Variants in CALD1 observed in about 807,000 individuals in gnomAD.
CALD1 encodes caldesmon 1.
In CALD1, 33 loss-of-function variants were observed where a neutral mutation model predicts 99.9. The ratio of observed to expected loss-of-function variants is 0.33; its 90% CI spans 0.25 to 0.44. The LOEUF (loss-of-function observed/expected upper bound fraction) is 0.44, where lower values mean the gene tolerates loss of function less well. Ranked by LOEUF, CALD1 falls within the 20% of genes least tolerant of loss-of-function variation. The probability of loss-of-function intolerance (pLI) is 1.00; values close to 1 mark genes in which losing one functional copy is unlikely to be tolerated. For missense variants in CALD1, 861 were observed against 962.1 expected (o/e 0.89, Z 1.39); for synonymous variants, 310 against 325.0 (o/e 0.95, Z 0.50).
At chr7:134,775,047 AT>A (rs1378004583), upstream of CALD1, among the ~76,000 whole-genome samples, 1 of 151,738 alleles carries the variant, frequency 6.6e-6, no homozygotes, top group Non-Finnish European at 1.5e-5. Flanking sequence ...TTCACCTTCA[AT>A]TTTTTTCTAA....
At chr7:134,923,427 C>T (rs967512283) in intron 3 of CALD1, among the ~76,000 whole-genome samples, 3 of 152,182 alleles carry the variant, frequency 2.0e-5, no homozygotes, top group African/African-American at 7.2e-5. Flanking sequence ...TCAGATGATT[C>T]AGATAAACTT....
chr7:134,956,253 C>T (rs957752977), intron 9 of CALD1, among the ~76,000 whole-genome samples: 2 of 151,138 alleles, frequency 1.3e-5, no homozygotes, highest in African/African-American at 2.4e-5. Context: ...AAAAAAAAAA[C>T]TCTGTGGTAT....
upstream of CALD1, among the ~76,000 whole-genome samples, chr7:134,779,171 AC>A (rs1797007653): frequency 1.3e-5 from 2 of 151,822 alleles, no homozygotes; most frequent in African/African-American, 4.8e-5. Flanking sequence ...AGCCTTCCCC[AC>A]CCCCACGCCC....
rs112705177 is a variant in CALD1, at chr7:134,788,923, G to A, written c.-130+9174G>A. Among the ~76,000 whole-genome samples, 665 of 151,740 alleles carry A rather than the reference G, an allele frequency of 4.4e-3. 5 individuals are homozygous for A. The highest frequency in any genetic ancestry group is 0.015 in the African/African-American group (631 of 41,340). Reference sequence around the variant, plus strand: ...CCAGCTACTTGGGAGGCTGAGGTGGGAGGATCACATGAGCTTGGGAGGTCG... The same window carrying A: ...CCAGCTACTTGGGAGGCTGAGGTGGAAGGATCACATGAGCTTGGGAGGTCG... On this transcript the variant is annotated intron_variant, in intron 1 of 14. Transcript: ENST00000361675.
chr7:134,938,737 A>G (rs1296149704), intron 6 of CALD1, among the ~76,000 whole-genome samples: 1 of 152,212 alleles, frequency 6.6e-6, no homozygotes, highest in Non-Finnish European at 1.5e-5. Context: ...TCATTATTAC[A>G]TTGACAAGGT....
chr7:134,945,607 C>T (rs1187453000), intron 7 of CALD1, among the ~76,000 whole-genome samples: 1 of 152,092 alleles, frequency 6.6e-6, no homozygotes, highest in Non-Finnish European at 1.5e-5. Flanking sequence ...GACATCTTCC[C>T]AGTTATTGTG....
chr7:134,733,077 C>T, the CALD1 span, among the ~76,000 whole-genome samples: 2 of 152,236 alleles, frequency 1.3e-5, no homozygotes, highest in Non-Finnish European at 2.9e-5. Context: ...CAATAAATTA[C>T]ACCCTTCTCC....
intron 12 of CALD1, 128 bp downstream of exon 12, chr7:134,960,239 A>C: frequency 9.1e-7 from 1 of 1,094,468 alleles, no homozygotes; most frequent in Non-Finnish European, 1.3e-6. Context: ...TTTGTTTTGC[A>C]ATGACCACAA....
At position 134,950,524 on chromosome 7, in the gene CALD1, TC is replaced by T; in HGVS notation, c.1935+14del. ...AGGTTCATCTCTCAAGGTATTTTTT[TC>T]CCCAGAAAACTTCTATTAGAATATG... On this transcript the variant is annotated intron_variant, in intron 9 of 14. Coordinates refer to ENST00000361675, the MANE Select transcript of CALD1 (RefSeq NM_033138.4). The T allele has an allele frequency of 6.2e-7, 1 of 1,611,530 alleles. No homozygotes were observed. Among genetic ancestry groups the T allele is most frequent in the Non-Finnish European group, 8.5e-7 (1 of 1,178,230 alleles).
intron 3 of CALD1, among the ~76,000 whole-genome samples, chr7:134,899,363 C>T (rs1802815178): frequency 6.6e-6 from 1 of 152,142 alleles, no homozygotes; most frequent in Admixed American, 6.5e-5. Flanking sequence ...ACCACCACAC[C>T]TGGCTAATTT....
At chr7:134,837,770 G>C (rs754356865) in intron 1 of CALD1, among the ~76,000 whole-genome samples, 2 of 152,182 alleles carry the variant, frequency 1.3e-5, no homozygotes, top group East Asian at 3.9e-4. Flanking sequence ...TGCTACCATA[G>C]AGGCATTAAC....
At chr7:134,902,890 T>A (rs556230206) in intron 3 of CALD1, among the ~76,000 whole-genome samples, 1 of 152,264 alleles carries the variant, frequency 6.6e-6, no homozygotes, top group South Asian at 2.1e-4. Context: ...AAATAACAGG[T>A]TGTCCTTCAA....
At chr7:134,723,930 C>T in the CALD1 span, among the ~76,000 whole-genome samples, 2 of 152,108 alleles carry the variant, frequency 1.3e-5, no homozygotes, top group Non-Finnish European at 2.9e-5. Flanking sequence ...ATAGAGGAGG[C>T]GTTCAATGGG....
chr7:134,780,778 A>C (rs915694219), intron 1 of CALD1, among the ~76,000 whole-genome samples: 2 of 152,254 alleles, frequency 1.3e-5, no homozygotes, highest in Non-Finnish European at 2.9e-5. Context: ...AGGACTATGC[A>C]GATGGACTTG....
At chr7:134,896,859 T>A (rs1399469671) in intron 3 of CALD1, among the ~76,000 whole-genome samples, 1 of 152,206 alleles carries the variant, frequency 6.6e-6, no homozygotes. Flanking sequence ...CTGGCATTTT[T>A]AATCAGACTA....
upstream of CALD1, among the ~76,000 whole-genome samples, chr7:134,777,636 G>T (rs763154636): frequency 1.3e-5 from 2 of 152,068 alleles, no homozygotes; most frequent in Non-Finnish European, 1.5e-5. Context: ...AAGCAGCAGC[G>T]GTAATGGAAA....
At chr7:134,822,407 T>A (rs1798818245) in intron 1 of CALD1, among the ~76,000 whole-genome samples, 1 of 152,194 alleles carries the variant, frequency 6.6e-6, no homozygotes, top group Admixed American at 6.5e-5. Flanking sequence ...TAGAATCATA[T>A]CTTGTCTGAA....
intron 1 of CALD1, among the ~76,000 whole-genome samples, chr7:134,789,971 G>T (rs1363043999): frequency 6.6e-6 from 1 of 151,236 alleles, no homozygotes; most frequent in Non-Finnish European, 1.5e-5. Flanking sequence ...TATAGCTAAA[G>T]AGTTGTATTA....
At chr7:134,831,931 G>C (rs1001423474) in intron 1 of CALD1, among the ~76,000 whole-genome samples, 12 of 152,158 alleles carry the variant, frequency 7.9e-5, no homozygotes, top group African/African-American at 2.7e-4. Flanking sequence ...AAAGAAAGGC[G>C]CGCTTGGAAG....
Sources: allele counts gnomAD v4.1 joint callset (sites outside exome capture counted in the v4.1 genomes callset), GRCh38; gene constraint gnomAD v4.1.1; transcripts MANE v1.5; gene names NCBI Gene and HGNC (gene_info 2026-07-23, HGNC 2026-07-21).